The following DIP2A variants were observed in gnomAD, a reference collection of about 807,000 sequenced individuals.
DIP2A encodes the protein DIP2 acetate--CoA ligase A.
In DIP2A, 85 loss-of-function variants were observed where a neutral mutation model predicts 177.4. That is an observed-to-expected ratio of 0.48 (90% CI 0.40 to 0.57). The LOEUF is 0.57. DIP2A is among the 20% of genes least tolerant of loss of function. The pLI is 0.00. For synonymous variants in DIP2A, 886 were observed against 881.8 expected (o/e 1.00, Z -0.08); for missense variants, 1,791 against 2,100.2 (o/e 0.85, Z 2.88).
In DIP2A at chr21:46,557,725, G is replaced by T; in HGVS notation, c.3770G>T (p.Gly1257Val). 6.2e-7 allele frequency: 1 copy of T among 1,612,334 alleles called. No individual in the cohort carries two copies. The highest frequency in any genetic ancestry group is 8.5e-7 in the Non-Finnish European group (1 of 1,178,694). Residue 1257 changes from glycine (G) to valine (V), a missense_variant, in exon 31 of 38, where the codon GGC becomes GTC. Coordinates refer to ENST00000417564, the MANE Select transcript of DIP2A (RefSeq NM_015151.4). The surrounding 1 kb of genome is among the most constrained non-coding windows in gnomAD (Gnocchi z 6.0). ...TCTGTGATGGAGATGTGCACCAAGG[G>T]CCTAGGCGCACAGACGGGTGTCCTC... ...SYSVMEMCTK[G>V]LGAQTGVLRM...
At chr21:46,523,997 C>T (rs1014669811) in intron 8 of DIP2A, among the ~76,000 whole-genome samples, 4 of 152,176 alleles carry the variant, frequency 2.6e-5, no homozygotes, top group South Asian at 2.1e-4. Flanking sequence ...GCCATTGCGG[C>T]GACGCTGAAT....
At chr21:46,526,285 A>C (rs1868594567) in intron 8 of DIP2A, among the ~76,000 whole-genome samples, 1 of 151,978 alleles carries the variant, frequency 6.6e-6, no homozygotes, top group Admixed American at 6.6e-5. Context: ...TTATCTCAGT[A>C]ATGTATGGTT....
At chr21:46,506,746 T>A (rs1410903900) in intron 6 of DIP2A, among the ~76,000 whole-genome samples, 1 of 133,008 alleles carries the variant, frequency 7.5e-6, no homozygotes, top group Non-Finnish European at 1.6e-5. Context: ...CTTTCTTTCT[T>A]TCTTTCTTTC....
chr21:46,544,820 G>T (rs1481559143), intron 18 of DIP2A, among the ~76,000 whole-genome samples: 1 of 152,168 alleles, frequency 6.6e-6, no homozygotes, highest in African/African-American at 2.4e-5. Context: ...GGACCCGAGA[G>T]GGCAGTATGA....
At position 46,537,856 on chromosome 21, in the gene DIP2A, G is replaced by T. The variant is rs920292985; in HGVS notation, c.1801+317G>T. ...CAGCATGGCCACACCTGCACAGTTG[G>T]CAGTCTGTGTCTCTGCCCTGTGGAG... is the stretch of plus-strand genomic sequence containing the variant. On this transcript the variant is annotated intron_variant, in intron 15 of 37. Transcript: ENST00000417564. The surrounding 1 kb of genome is among the most constrained non-coding windows in gnomAD (Gnocchi z 4.1). Among the ~76,000 whole-genome samples the T allele has an allele frequency of 1.3e-5, 2 of 152,162 alleles. No homozygotes were observed. Among genetic ancestry groups the T allele is most frequent in the Admixed American group, 6.5e-5 (1 of 15,272 alleles).
rs1428638838 is a variant in DIP2A, at chr21:46,557,186, G to A, written c.3629+117G>A. ...CAGGAAGCCGATGAGATGTGTGTGA[G>A]TGGGTTTGTTTGGGGATGAAGTGGG... On this transcript the variant is annotated intron_variant, in intron 30 of 37. Coordinates refer to ENST00000417564, the MANE Select transcript of DIP2A (RefSeq NM_015151.4). This position sits in a 1 kb window ranked among gnomAD's most constrained non-coding sequence, Gnocchi z 6.0. 3 of 1,256,152 alleles carry A rather than the reference G, an allele frequency of 2.4e-6. No homozygotes were observed. Among genetic ancestry groups the A allele is most frequent in the East Asian group, 5.1e-5 (2 of 38,994 alleles). The allele number at this position is 1,256,152 out of a possible 1,614,324, so 77.8% of individuals were successfully genotyped here. A position where few individuals can be genotyped will look rare whatever the true frequency, so the allele number is the denominator to read the frequency against.
At chr21:46,581,482 G>A in the DIP2A span, among the ~76,000 whole-genome samples, 1 of 152,176 alleles carries the variant, frequency 6.6e-6, no homozygotes, top group Non-Finnish European at 1.5e-5. Flanking sequence ...CCAGTTCTGT[G>A]CCCTTGCTGG....
At chr21:46,575,903 A>C in the DIP2A span, among the ~76,000 whole-genome samples, 69 of 152,340 alleles carry the variant, frequency 4.5e-4, no homozygotes, top group South Asian at 4.6e-3. Context: ...CTCATTCTAA[A>C]ATTGATATAG....
At chr21:46,525,814 A>C (rs2059049786) in intron 8 of DIP2A, 1 of 151,526 alleles carries the variant, frequency 6.6e-6, no homozygotes, top group Non-Finnish European at 1.5e-5. Flanking sequence ...CAGTATACCT[A>C]CTGAGATTAT....
At chr21:46,514,317 TC>T (rs1162709970) in intron 8 of DIP2A, among the ~76,000 whole-genome samples, 1 of 151,676 alleles carries the variant, frequency 6.6e-6, no homozygotes, top group Non-Finnish European at 1.5e-5. Context: ...GCGCCTGTAG[TC>T]CCAGCTACTT....
rs911345370 is a variant in DIP2A at position 46,503,571 on chromosome 21, TCTTCCTTC to T, written c.656-754_656-747del. ...TTGTTTCTGCTTCCTTGAGGGAATT[TCTTCCTTC>T]CTTCCTTCCTTCCTTCCTTCCTTCC... is the stretch of plus-strand genomic sequence containing the variant. On this transcript the variant is annotated intron_variant, in intron 5 of 37. Transcript: ENST00000417564. 1.3e-3 allele frequency among the ~76,000 whole-genome samples: 105 copies of T among 83,760 alleles called. 1 individual carries two copies. In the East Asian group the frequency reaches 0.014, roughly 11 times the overall value. 54.9% of individuals were successfully genotyped at this position (83,760 alleles called of 152,430 possible).
intron 26 of DIP2A, 126 bp downstream of exon 26, chr21:46,554,418 G>A: frequency 1.9e-6 from 3 of 1,548,802 alleles, no homozygotes; most frequent in Non-Finnish European, 2.6e-6. Context: ...CTCTCTGCAT[G>A]TGTCTGCCTC....
chr21:46,547,769 C>T (rs948972963), intron 21 of DIP2A, among the ~76,000 whole-genome samples: 1 of 145,720 alleles, frequency 6.9e-6, no homozygotes, highest in African/African-American at 2.5e-5. Context: ...TCCTGGGCTT[C>T]AAGCAGTCCT....
chr21:46,502,771 C>T (rs759433520), intron 5 of DIP2A, among the ~76,000 whole-genome samples: 2 of 151,902 alleles, frequency 1.3e-5, no homozygotes, highest in African/African-American at 4.8e-5. Flanking sequence ...TATAAATGGG[C>T]GAGCATCTGT....
At chr21:46,521,173 CA>C (rs2058806052) in intron 8 of DIP2A, among the ~76,000 whole-genome samples, 1 of 152,048 alleles carries the variant, frequency 6.6e-6, no homozygotes, top group African/African-American at 2.4e-5. Flanking sequence ...AAAAGGCAAA[CA>C]AAAATCTTTG....
intron 9 of DIP2A, among the ~76,000 whole-genome samples, chr21:46,530,969 G>C (rs2059331630): frequency 6.6e-6 from 1 of 152,154 alleles, no homozygotes; most frequent in African/African-American, 2.4e-5. Context: ...CAACAGATTT[G>C]AGAATAGTAT....
chr21:46,555,750 A>G, intron 28 of DIP2A: 1 of 545,202 alleles, frequency 1.8e-6, no homozygotes, highest in Non-Finnish European at 3.3e-6. Flanking sequence ...CTCGTCCCCC[A>G]TCCCCACAGG....
Position 46,551,858 on chromosome 21 carries a change from C to G in DIP2A, c.2984C>G (p.Ala995Gly). Residue 995 changes from alanine to glycine, a missense_variant, in exon 25 of 38, where the codon GCC becomes GGC. Physicochemically the swap from Ala to Gly is moderately conservative, Grantham distance 60. Coordinates refer to ENST00000417564, the MANE Select transcript of DIP2A (RefSeq NM_015151.4). Reference sequence around the variant, plus strand: ...CTGGCTGACGTGCTGCAGTGGCGTGCCCACACCACTCCTGACCACCCGCTG... The same window carrying G: ...CTGGCTGACGTGCTGCAGTGGCGTGGCCACACCACTCCTGACCACCCGCTG... The part of the protein sequence containing the change: ...LFLADVLQWR[A>G]HTTPDHPLFL... The G allele has an allele frequency of 6.2e-7, 1 of 1,611,700 alleles. No individual in the cohort carries two copies. Among genetic ancestry groups the G allele is most frequent in the Non-Finnish European group, 8.5e-7 (1 of 1,179,050 alleles).
rs367800392 is a variant in DIP2A, at chr21:46,541,807, C to T, written c.2088C>T (p.Asn696=). 1.1e-5 allele frequency: 17 copies of T among 1,613,796 alleles called. No individual in the cohort carries two copies. Among genetic ancestry groups the T allele is most frequent in the African/African-American group, 2.7e-5 (2 of 74,886 alleles). The part of the protein sequence containing the change: ...PPPRKAVLSM[N]GLSYGVIRVD... ...CAAGAAAAGCAGTCCTGTCGATGAACGGTCTAAGTTATGGTGTTATCAGAG... is the reference window on the plus strand; with the variant it reads ...CAAGAAAAGCAGTCCTGTCGATGAATGGTCTAAGTTATGGTGTTATCAGAG... Residue 696 remains asparagine (N), a synonymous_variant, in exon 18 of 38, where the codon AAC becomes AAT. Coordinates refer to ENST00000417564, the MANE Select transcript of DIP2A (RefSeq NM_015151.4).
Sources: gnomAD v4.1 joint callset for allele counts (sites outside exome capture counted in the v4.1 genomes callset) on GRCh38, gnomAD v4.1.1 for gene constraint, Gnocchi (gnomAD v3.1) non-coding constraint, MANE v1.5 for transcripts, NCBI Gene and HGNC (gene_info 2026-07-23, HGNC 2026-07-21) for gene names.